Variants in AUTS2 observed in about 807,000 individuals in gnomAD.
The protein encoded by AUTS2 is autism susceptibility gene 2 protein.
In AUTS2, 17 loss-of-function variants were observed where a neutral mutation model predicts 112.4. The ratio of observed to expected loss-of-function variants is 0.15; its 90% CI spans 0.10 to 0.23. The LOEUF (loss-of-function observed/expected upper bound fraction) is 0.23. Ranked by LOEUF, AUTS2 falls within the 10% of genes least tolerant of loss-of-function variation. The pLI is 1.00. For missense variants in AUTS2, 1,510 were observed against 1,701.6 expected (o/e 0.89, Z 1.98); for synonymous variants, 751 against 702.7 (o/e 1.07, Z -1.09).
intron 4 of AUTS2, among the ~76,000 whole-genome samples, chr7:70,168,128 T>A (rs906487361): frequency 6.6e-6 from 1 of 152,202 alleles, no homozygotes; most frequent in African/African-American, 2.4e-5. Context: ...ATTAAGGAAG[T>A]TACAGAATAT....
intron 2 of AUTS2, among the ~76,000 whole-genome samples, chr7:70,009,627 A>G (rs1267369655): frequency 7.2e-5 from 11 of 152,228 alleles, no homozygotes; most frequent in African/African-American, 2.4e-5. Flanking sequence ...AAGATCTTCT[A>G]TAATAAAAAT....
intron 2 of AUTS2, among the ~76,000 whole-genome samples, chr7:69,978,175 TAGAGGCAGCTCC>T (rs1798136862): frequency 6.6e-6 from 1 of 152,228 alleles, no homozygotes; most frequent in Non-Finnish European, 1.5e-5. Flanking sequence ...CACTTTGCTA[TAGAGGCAGCTCC>T]AGTTTAAGTT....
At chr7:69,675,004 TGACTGACA>T (rs1001353756) in intron 1 of AUTS2, among the ~76,000 whole-genome samples, 77 of 152,338 alleles carry the variant, frequency 5.1e-4, no homozygotes, top group African/African-American at 1.8e-3. Context: ...TTTAACCCTG[TGACTGACA>T]GTTGACAATG....
intron 5 of AUTS2, among the ~76,000 whole-genome samples, chr7:70,440,226 T>TA (rs768717430): frequency 0.043 from 4,015 of 92,730 alleles, 204 homozygotes; most frequent in African/African-American, 0.13. Flanking sequence ...GCCCTGTCTC[T>TA]AAAAAAAAAA....
At chr7:70,533,846 T>A (rs1800197104) in intron 5 of AUTS2, among the ~76,000 whole-genome samples, 1 of 152,184 alleles carries the variant, frequency 6.6e-6, no homozygotes, top group Non-Finnish European at 1.5e-5. Flanking sequence ...CAGCCTTTAG[T>A]AGCAGCTGAG....
At chr7:69,879,599 T>A (rs1014663607) in intron 1 of AUTS2, among the ~76,000 whole-genome samples, 1 of 152,194 alleles carries the variant, frequency 6.6e-6, no homozygotes, top group African/African-American at 2.4e-5. Context: ...GACACTCTTC[T>A]AAGCACATTA....
chr7:69,854,001 T>A (rs1202741774), intron 1 of AUTS2, among the ~76,000 whole-genome samples: 1 of 152,174 alleles, frequency 6.6e-6, no homozygotes, highest in African/African-American at 2.4e-5. Context: ...TGAGGTTCCC[T>A]TATAGGAATG....
intron 5 of AUTS2, among the ~76,000 whole-genome samples, chr7:70,451,209 A>T (rs1796515199): frequency 6.6e-6 from 1 of 152,042 alleles, no homozygotes; most frequent in African/African-American, 2.4e-5. Context: ...AATACTGGGG[A>T]CTAGTAGAGA....
At chr7:69,672,233 A>T (rs1396701202) in intron 1 of AUTS2, among the ~76,000 whole-genome samples, 5 of 151,728 alleles carry the variant, frequency 3.3e-5, no homozygotes, top group Non-Finnish European at 7.4e-5. Flanking sequence ...CTAATTTTGT[A>T]TTTTTAGTAG....
chr7:69,967,445 G>GGAGA (rs1260585124), intron 2 of AUTS2, among the ~76,000 whole-genome samples: 1 of 152,134 alleles, frequency 6.6e-6, no homozygotes, highest in Admixed American at 6.5e-5. Context: ...TGGGAGGGAG[G>GGAGA]GAGAGGCAGG....
chr7:70,368,527 TAA>T (rs1353754578), intron 4 of AUTS2, among the ~76,000 whole-genome samples: 2 of 152,242 alleles, frequency 1.3e-5, no homozygotes, highest in Non-Finnish European at 2.9e-5. Flanking sequence ...GCCCTAACTC[TAA>T]GTCTGTTAAT....
At chr7:69,746,803 A>G (rs997625949) in intron 1 of AUTS2, among the ~76,000 whole-genome samples, 8 of 152,094 alleles carry the variant, frequency 5.3e-5, no homozygotes, top group African/African-American at 1.7e-4. Context: ...CGAGGGCTGT[A>G]TTAGGTAAGA....
At chr7:69,618,003 A>G (rs2851508) in intron 1 of AUTS2, among the ~76,000 whole-genome samples, 93,573 of 152,042 alleles carry the variant, frequency 0.62, 29,108 homozygotes, top group East Asian at 0.71. Context: ...CTTTACATGC[A>G]TTAACACATC....
At chr7:69,952,809 G>A (rs1797076535) in intron 2 of AUTS2, among the ~76,000 whole-genome samples, 1 of 152,050 alleles carries the variant, frequency 6.6e-6, no homozygotes. Flanking sequence ...AGACTGAAAG[G>A]AACTCATATA....
At chr7:70,438,459 G>C (rs1795986139) in intron 5 of AUTS2, among the ~76,000 whole-genome samples, 1 of 152,008 alleles carries the variant, frequency 6.6e-6, no homozygotes, top group South Asian at 2.1e-4. Context: ...TCTTAAGTGG[G>C]AGCCACACCA....
intron 1 of AUTS2, among the ~76,000 whole-genome samples, chr7:69,768,111 G>T (rs1788507631): frequency 6.6e-6 from 1 of 152,166 alleles, no homozygotes; most frequent in Non-Finnish European, 1.5e-5. Flanking sequence ...TGTGGCAATT[G>T]TCTGGTAAAT....
chr7:69,678,469 G>A (rs939794672), intron 1 of AUTS2, among the ~76,000 whole-genome samples: 7 of 152,078 alleles, frequency 4.6e-5, no homozygotes, highest in Admixed American at 2.0e-4. Context: ...ATGGTAAGTC[G>A]TGGTTTCTCT....
At chr7:70,569,912 T>TC (rs1347897641) in intron 5 of AUTS2, among the ~76,000 whole-genome samples, 1 of 152,118 alleles carries the variant, frequency 6.6e-6, no homozygotes, top group Non-Finnish European at 1.5e-5. Context: ...CTTTTTTTTT[T>TC]CTCCCAAAAC....
At chr7:69,905,343 T>C (rs1237144835) in intron 2 of AUTS2, among the ~76,000 whole-genome samples, 1 of 152,164 alleles carries the variant, frequency 6.6e-6, no homozygotes, top group African/African-American at 2.4e-5. Context: ...GTAGAATATA[T>C]ATGTGGGTAG....
Sources: allele counts gnomAD v4.1 joint callset (sites outside exome capture counted in the v4.1 genomes callset), GRCh38; gene constraint gnomAD v4.1.1; transcripts MANE v1.5; gene names NCBI Gene and HGNC (gene_info 2026-07-23, HGNC 2026-07-21).